Variants in WDR75 observed in about 807,000 individuals in gnomAD.
WDR75 encodes WD repeat-containing protein 75.
A neutral mutation model predicts 106.1 loss-of-function variants in WDR75; 52 were observed. The ratio of observed to expected loss-of-function variants is 0.49; its 90% confidence interval spans 0.39 to 0.62. The LOEUF (loss-of-function observed/expected upper bound fraction) is 0.62. WDR75 is among the 20% of genes least tolerant of loss of function. The pLI is 0.00. For missense variants in WDR75, 905 were observed against 970.3 expected (o/e 0.93, Z 0.89); for synonymous variants, 333 against 335.5 (o/e 0.99, Z 0.08).
intron 17 of WDR75, among the ~76,000 whole-genome samples, chr2:189,470,517 A>G (rs1038391834): frequency 5.3e-5 from 8 of 151,708 alleles, no homozygotes; most frequent in Admixed American, 2.0e-4. Flanking sequence ...AAATTGCATG[A>G]TTCTTTTTTC....
intron 4 of WDR75, among the ~76,000 whole-genome samples, chr2:189,452,828 AC>A (rs1408869050): frequency 1.2e-4 from 18 of 152,306 alleles, no homozygotes; most frequent in African/African-American, 4.1e-4. Flanking sequence ...TCCATAAAAT[AC>A]AGTTGTGTTC....
chr2:189,466,665 G>A, intron 13 of WDR75, 83 bp downstream of exon 13: 1 of 1,380,278 alleles, frequency 7.2e-7, no homozygotes. Context: ...ATCCATCCTG[G>A]GAGGACATTT....
intron 1 of WDR75, 120 bp from the exon 2 acceptor site, chr2:189,448,259 G>T (rs1026658886): frequency 2.7e-6 from 3 of 1,115,418 alleles, no homozygotes; most frequent in Non-Finnish European, 3.6e-6. Context: ...CCAGGCAGGC[G>T]TATCACTTGA....
intron 17 of WDR75, 36 bp from the exon 18 acceptor site, chr2:189,470,783 A>G: frequency 1.3e-6 from 2 of 1,533,058 alleles, no homozygotes; most frequent in Non-Finnish European, 1.8e-6. Flanking sequence ...TGCACTCTAC[A>G]GTTTGTCTTT....
chr2:189,463,584 A>G, intron 9 of WDR75, 110 bp from the exon 10 acceptor site: 1 of 867,734 alleles, frequency 1.2e-6, no homozygotes, highest in Non-Finnish European at 1.8e-6. Context: ...ATGTTTTCAG[A>G]AAGTTTATGA....
intron 9 of WDR75, among the ~76,000 whole-genome samples, chr2:189,463,263 A>T (rs1190897428): frequency 6.6e-6 from 1 of 152,208 alleles, no homozygotes; most frequent in Non-Finnish European, 1.5e-5. Context: ...GTTCATAGGC[A>T]CAACTGATAA....
At position 189,470,095 on chromosome 2, in the gene WDR75, T is replaced by C. The variant is rs1197706735; in HGVS notation, c.1839T>C (p.Ser613=). Residue 613 remains serine, a synonymous_variant, in exon 17 of 21, where the codon AGT becomes AGC. Transcript: ENST00000314761. The part of the protein sequence containing the change: ...VGSDLFVFKP[S]EPRPLYIQKG... ...CTCTAGTGTTTGTATTTAAACCTAG[T>C]GAGCCAAGGCCATTGTATATTCAAA... is the stretch of plus-strand genomic sequence containing the variant. 1.9e-6 allele frequency: 3 copies of C among 1,611,664 alleles called. No homozygotes were observed. Among genetic ancestry groups the C allele is most frequent in the East Asian group, 2.2e-5 (1 of 44,846 alleles).
In WDR75 at chr2:189,468,587, C is replaced by G. The variant is rs367746005; in HGVS notation, c.1723+18C>G. On this transcript the variant is annotated intron_variant, in intron 15 of 20. Coordinates refer to ENST00000314761, the MANE Select transcript of WDR75 (RefSeq NM_032168.3). ...CTGTGCATGTAAGATATTTTTTACT[C>G]TAAAGTGATCTGGCAAAGCGCATAA... The G allele has an allele frequency of 4.0e-5, 64 of 1,610,774 alleles. No individual in the cohort carries two copies. Among genetic ancestry groups the G allele is most frequent in the Non-Finnish European group, 5.3e-5 (62 of 1,177,510 alleles).
chr2:189,448,729 C>A (rs1030967861), intron 2 of WDR75: 14 of 650,418 alleles, frequency 2.2e-5, no homozygotes, highest in African/African-American at 1.8e-4. Flanking sequence ...GAAGGATATT[C>A]TTGGCTGTAT....
Position 189,465,082 on chromosome 2 carries a change from G to A in WDR75, c.1117G>A (p.Asp373Asn). Reference sequence around the variant, plus strand: ...TTTGGTTTTTTTTACTCATCAGTTAGATATTATACAGCAAGAATATATTAA... The same window carrying A: ...TTTGGTTTTTTTTACTCATCAGTTAAATATTATACAGCAAGAATATATTAA... ...LQSDKQLYNL[D>N]IIQQEYINDY... The change falls in exon 12 of 21, where the codon GAT (aspartate) becomes AAT (asparagine). Residue 373 changes from aspartate to asparagine, a missense_variant. Asp to Asn is a conservative substitution (Grantham distance 23). Transcript: ENST00000314761. 2 of 1,569,666 alleles carry A rather than the reference G, an allele frequency of 1.3e-6. No homozygotes were observed. Among genetic ancestry groups the A allele is most frequent in the Non-Finnish European group, 1.7e-6 (2 of 1,156,932 alleles).
In WDR75 at chr2:189,442,570, C is replaced by T. The variant is rs548227002; in HGVS notation, c.86+992C>T. 4.7e-5 allele frequency among the ~76,000 whole-genome samples: 7 copies of T among 150,450 alleles called. 1 individual carries two copies. The East Asian group carries it at 1.2e-3, about 25-fold the overall frequency. Reference sequence around the variant, plus strand: ...GGTTCAAGCAATTCTGGTGCCTCGGCCTCCTGAGTAGCAAGTATTATAAGC... The same window carrying T: ...GGTTCAAGCAATTCTGGTGCCTCGGTCTCCTGAGTAGCAAGTATTATAAGC... On this transcript the variant is annotated intron_variant, in intron 1 of 20. Transcript: ENST00000314761.
chr2:189,452,739 A>G (rs1325293771), intron 4 of WDR75, among the ~76,000 whole-genome samples: 1 of 152,256 alleles, frequency 6.6e-6, no homozygotes, highest in Non-Finnish European at 1.5e-5. Flanking sequence ...TTGATAAAAC[A>G]GAACACTGAC....
At chr2:189,450,283 C>G (rs1481768187) in intron 2 of WDR75, 1 of 985,446 alleles carries the variant, frequency 1.0e-6, no homozygotes, top group African/African-American at 1.7e-5. Context: ...AGGAGTTTGG[C>G]TAATAAAACT....
At chr2:189,455,679 G>GTTGTAGACTCTCTTAGAC (rs1686719941) in intron 5 of WDR75, 1 of 319,632 alleles carries the variant, frequency 3.1e-6, no homozygotes, top group Admixed American at 4.7e-5. Context: ...CTTAGACTAT[G>GTTGTAGACTCTCTTAGAC]TGTCTTTAGA....
intron 9 of WDR75, 33 bp downstream of exon 9, chr2:189,462,675 A>G (rs1290872104): frequency 2.5e-6 from 4 of 1,587,840 alleles, no homozygotes; most frequent in Admixed American, 3.4e-5. Flanking sequence ...GAGGAAATAT[A>G]TAAACACCAT....
chr2:189,456,563 C>A (rs1316993459), intron 5 of WDR75, among the ~76,000 whole-genome samples: 3 of 151,914 alleles, frequency 2.0e-5, no homozygotes, highest in Non-Finnish European at 4.4e-5. Flanking sequence ...ATGTGAAATT[C>A]TACAACCGGC....
Position 189,466,464 on chromosome 2 carries a change from C to G in WDR75, c.1329C>G (p.Asp443Glu). The stretch of plus-strand genomic sequence containing the variant: ...CTAAAATTAACATGCCACACGAAGA[C>G]TGCATTACAGCTCTCTGTTTCTGTA... ...LNTKINMPHE[D>E]CITALCFCNA... Residue 443 changes from aspartate to glutamate, a missense_variant, in exon 13 of 21, where the codon GAC (aspartate) becomes GAG (glutamate). Coordinates refer to ENST00000314761, the MANE Select transcript of WDR75 (RefSeq NM_032168.3). 1 of 1,613,068 alleles carries G rather than the reference C, an allele frequency of 6.2e-7. No homozygotes were observed. Among genetic ancestry groups the G allele is most frequent in the Non-Finnish European group, 8.5e-7 (1 of 1,179,376 alleles).
chr2:189,449,418 C>T (rs984095478), intron 2 of WDR75: 30 of 1,244,940 alleles, frequency 2.4e-5, no homozygotes, highest in Non-Finnish European at 3.1e-5. Context: ...TTATGCTTGC[C>T]GTCCTCTGAG....
rs191003319 is a variant in WDR75 at position 189,460,032 on chromosome 2, T to C, written c.778+608T>C. On this transcript the variant is annotated intron_variant, in intron 8 of 20. Transcript: ENST00000314761. ...GTCACAGCTTTGTGTAGTGTAGCTA[T>C]AGCGAGTAAAAATACCTTTAAAGTA... Among the ~76,000 whole-genome samples the C allele has an allele frequency of 3.9e-5, 6 of 152,346 alleles. No individual in the cohort carries two copies. The East Asian group carries it at 1.2e-3, about 29-fold the overall frequency.
Sources: gnomAD v4.1 joint callset for allele counts (sites outside exome capture counted in the v4.1 genomes callset) on GRCh38, gnomAD v4.1.1 for gene constraint, MANE v1.5 for transcripts, NCBI Gene and HGNC (gene_info 2026-07-23, HGNC 2026-07-21) for gene names.